The following GSK3B variants were observed in gnomAD, a reference collection of about 807,000 sequenced individuals.
GSK3B encodes the protein glycogen synthase kinase 3 beta.
In GSK3B, 15 loss-of-function variants were observed where a neutral mutation model predicts 56.4. The ratio of observed to expected loss-of-function variants is 0.27; its 90% CI spans 0.18 to 0.41. The LOEUF is 0.41. GSK3B is among the 10% of genes least tolerant of loss of function. GSK3B has a pLI of 1.00. For missense variants in GSK3B, 300 were observed against 513.4 expected (o/e 0.58, Z 4.02); for synonymous variants, 181 against 188.9 (o/e 0.96, Z 0.34).
intron 7 of GSK3B, among the ~76,000 whole-genome samples, chr3:119,894,787 T>C (rs533883250): frequency 1.6e-4 from 24 of 152,160 alleles, no homozygotes; most frequent in Non-Finnish European, 3.2e-4. Flanking sequence ...TGTGTGCTTT[T>C]TGTGTTACAT....
chr3:119,826,408 A>C lies in GSK3B; in HGVS notation c.*380T>G, dbSNP rs945740914. 3 of 427,864 alleles carry C rather than the reference A, an allele frequency of 7.0e-6. No individual in the cohort carries two copies. Among genetic ancestry groups the C allele is most frequent in the African/African-American group, 5.9e-5 (3 of 50,530 alleles). The allele number at this position is 427,864 out of a possible 1,614,324, so 26.5% of individuals were successfully genotyped here. ...AAAACAAAGTTCAAAAAAACCCATC[A>C]GCACAGAAAAAGGTTTTCTTCTTTT... On this transcript the variant is annotated 3_prime_UTR_variant, in exon 11 of 11. Coordinates refer to ENST00000264235, the MANE Select transcript of GSK3B (RefSeq NM_001146156.2).
intron 1 of GSK3B, among the ~76,000 whole-genome samples, chr3:120,025,276 G>A (rs963756949): frequency 2.6e-5 from 4 of 152,136 alleles, no homozygotes; most frequent in African/African-American, 9.7e-5. Context: ...CTCAGGAGGC[G>A]GAAGTTGCAA....
chr3:119,888,658 C>A (rs1320955351), intron 7 of GSK3B, among the ~76,000 whole-genome samples: 1 of 152,098 alleles, frequency 6.6e-6, no homozygotes, highest in Non-Finnish European at 1.5e-5. Context: ...CTAGGGAAGA[C>A]AACCATAAGG....
At chr3:119,978,154 T>G (rs2057424728) in intron 2 of GSK3B, among the ~76,000 whole-genome samples, 1 of 152,140 alleles carries the variant, frequency 6.6e-6, no homozygotes, top group Non-Finnish European at 1.5e-5. Flanking sequence ...AAGGTCAGCA[T>G]GACCATAAAC....
intron 10 of GSK3B, among the ~76,000 whole-genome samples, chr3:119,833,851 C>T (rs1352656431): frequency 6.6e-6 from 1 of 151,798 alleles, no homozygotes; most frequent in East Asian, 1.9e-4. Context: ...CACCACCATG[C>T]CTGGCTAAAT....
intron 7 of GSK3B, among the ~76,000 whole-genome samples, chr3:119,898,020 T>G (rs1057347445): frequency 6.6e-6 from 1 of 152,106 alleles, no homozygotes; most frequent in African/African-American, 2.4e-5. Context: ...AACCCATACA[T>G]AGTAAGCTGA....
chr3:120,092,245 T>C (rs2058518681), intron 1 of GSK3B, among the ~76,000 whole-genome samples: 1 of 152,200 alleles, frequency 6.6e-6, no homozygotes, highest in Admixed American at 6.5e-5. Context: ...AGCATACTTT[T>C]CAGCACAAAC....
At chr3:119,882,654 T>C (rs978620044) in intron 7 of GSK3B, among the ~76,000 whole-genome samples, 1 of 152,170 alleles carries the variant, frequency 6.6e-6, no homozygotes. Flanking sequence ...CCTCCTTTAA[T>C]ATATACCAGA....
At chr3:119,872,671 A>C (rs767908467) in intron 8 of GSK3B, among the ~76,000 whole-genome samples, 2 of 152,298 alleles carry the variant, frequency 1.3e-5, no homozygotes, top group Admixed American at 1.3e-4. Context: ...AGAGAAGACA[A>C]ATCAGAAAAC....
At chr3:120,062,190 T>C (rs189159902) in intron 1 of GSK3B, among the ~76,000 whole-genome samples, 29 of 152,364 alleles carry the variant, frequency 1.9e-4, no homozygotes, top group Admixed American at 1.6e-3. Context: ...CTTTTACATG[T>C]TGACTGTTTG....
At chr3:119,837,280 G>A (rs537882086) in intron 10 of GSK3B, among the ~76,000 whole-genome samples, 1 of 151,608 alleles carries the variant, frequency 6.6e-6, no homozygotes, top group African/African-American at 2.4e-5. Flanking sequence ...TCAGCCTCCC[G>A]AATAGCTGGG....
intron 1 of GSK3B, among the ~76,000 whole-genome samples, chr3:120,051,177 G>A (rs1478947484): frequency 6.7e-6 from 1 of 149,730 alleles, no homozygotes; most frequent in African/African-American, 2.5e-5. Context: ...GCAAGCAAGA[G>A]AACAGGACGT....
intron 3 of GSK3B, among the ~76,000 whole-genome samples, chr3:119,926,001 T>C (rs1189255480): frequency 6.6e-6 from 1 of 152,112 alleles, no homozygotes; most frequent in Non-Finnish European, 1.5e-5. Context: ...ACACTATACT[T>C]TTTTGGTTTT....
chr3:119,939,078 AG>A (rs1252894336), intron 3 of GSK3B, among the ~76,000 whole-genome samples: 4 of 151,818 alleles, frequency 2.6e-5, no homozygotes, highest in Non-Finnish European at 4.4e-5. Flanking sequence ...TGGGGCTAAA[AG>A]GGGGGCTGGG....
chr3:119,948,117 T>A (rs893562974), intron 2 of GSK3B, among the ~76,000 whole-genome samples: 1 of 152,150 alleles, frequency 6.6e-6, no homozygotes, highest in Non-Finnish European at 1.5e-5. Context: ...GAAATCCACT[T>A]AATGAAGGAC....
intron 10 of GSK3B, among the ~76,000 whole-genome samples, chr3:119,827,392 T>C (rs1299766024): frequency 6.6e-6 from 1 of 150,868 alleles, no homozygotes; most frequent in East Asian, 1.9e-4. Flanking sequence ...CCAATTCACT[T>C]AGTCAATTTA....
chr3:120,073,672 A>T (rs2058345831), intron 1 of GSK3B, among the ~76,000 whole-genome samples: 1 of 152,174 alleles, frequency 6.6e-6, no homozygotes, highest in African/African-American at 2.4e-5. Flanking sequence ...CAATTATCTT[A>T]TTCCCTCTCC....
At position 119,844,366 on chromosome 3, in the gene GSK3B, T is replaced by TAA. The variant is rs148828914; in HGVS notation, c.1097-1015_1097-1014dup. 3.0e-3 allele frequency among the ~76,000 whole-genome samples: 435 copies of TAA among 147,444 alleles called. 1 individual carries two copies. Among genetic ancestry groups the TAA allele is most frequent in the Admixed American group, 6.8e-3 (100 of 14,810 alleles). ...AGGAGACAGAGACACAAAAAACTCT[T>TAA]AAAAAAAAAAAATCAATGAATCCAG... On this transcript the variant is annotated intron_variant, in intron 9 of 10. Coordinates refer to ENST00000264235, the MANE Select transcript of GSK3B (RefSeq NM_001146156.2).
intron 1 of GSK3B, among the ~76,000 whole-genome samples, chr3:120,013,675 A>G (rs1451787803): frequency 6.6e-6 from 1 of 152,200 alleles, no homozygotes; most frequent in Admixed American, 6.5e-5. Context: ...TTTTCTGTCT[A>G]ACAATAGTAT....
Sources: allele counts gnomAD v4.1 joint callset (sites outside exome capture counted in the v4.1 genomes callset), GRCh38; gene constraint gnomAD v4.1.1; transcripts MANE v1.5; gene names NCBI Gene and HGNC (gene_info 2026-07-23, HGNC 2026-07-21).